Variants in CDH6 observed in about 807,000 individuals in gnomAD.
CDH6 encodes the protein cadherin-6.
In CDH6, 31 loss-of-function variants were observed where a neutral mutation model predicts 78.0. The observed-to-expected ratio is 0.40, with a 90% CI of 0.30 to 0.54. CDH6 has a LOEUF of 0.54. Ranked by LOEUF, CDH6 falls within the 20% of genes least tolerant of loss-of-function variation. The probability of loss-of-function intolerance (pLI) is 0.56; values close to 1 mark genes in which losing one functional copy is unlikely to be tolerated. For missense variants in CDH6, 724 were observed against 975.9 expected (o/e 0.74, Z 3.44); for synonymous variants, 376 against 368.8 (o/e 1.02, Z -0.23).
At chr5:31,320,994 A>C (rs1427107128) in intron 11 of CDH6, among the ~76,000 whole-genome samples, 1 of 151,688 alleles carries the variant, frequency 6.6e-6, no homozygotes, top group East Asian at 1.9e-4. Flanking sequence ...AAAAAAAAAA[A>C]AACTGTGCTG....
At chr5:31,226,653 C>T (rs777547122) in intron 1 of CDH6, among the ~76,000 whole-genome samples, 2 of 152,068 alleles carry the variant, frequency 1.3e-5, no homozygotes, top group Non-Finnish European at 2.9e-5. Context: ...CCCTTTTTGC[C>T]TCCTCTCCCA....
intron 1 of CDH6, among the ~76,000 whole-genome samples, chr5:31,252,937 G>A (rs1267892946): frequency 6.6e-6 from 1 of 152,154 alleles, no homozygotes; most frequent in African/African-American, 2.4e-5. Context: ...GTAGCAATGT[G>A]CTAAGTGTTT....
rs1738591719 is a variant in CDH6, at chr5:31,324,999, T to A, written c.*1691T>A. ...TTATTTTCAATTAATATTAATTTTCTACAAATAATTTTAGTGTCATTTCCA... is the reference window on the plus strand; with the variant it reads ...TTATTTTCAATTAATATTAATTTTCAACAAATAATTTTAGTGTCATTTCCA... On this transcript the variant is annotated 3_prime_UTR_variant, in exon 12 of 12. Transcript: ENST00000265071. 4.8e-6 allele frequency: 1 copy of A among 207,076 alleles called. No individual in the cohort carries two copies. The highest frequency in any genetic ancestry group is 9.8e-6 in the Non-Finnish European group (1 of 101,530). 12.8% of individuals were successfully genotyped at this position (207,076 alleles called of 1,614,324 possible).
chr5:31,255,041 ATAAT>A (rs1395769042), intron 1 of CDH6, among the ~76,000 whole-genome samples: 1 of 152,254 alleles, frequency 6.6e-6, no homozygotes, highest in African/African-American at 2.4e-5. Flanking sequence ...GTAGTTTTAA[ATAAT>A]TAAAGGGCCA....
chr5:31,297,335 A>T lies in CDH6; in HGVS notation c.570A>T (p.Thr190=). Reference sequence around the variant, plus strand: ...CTGCGACGGATGCAGATGATCCAACATATGGGAACAGTGCTAAAGTTGTCT... The same window carrying T: ...CTGCGACGGATGCAGATGATCCAACTTATGGGAACAGTGCTAAAGTTGTCT... The part of the protein sequence containing the change: ...QVTATDADDP[T]YGNSAKVVYS... The change falls in exon 4 of 12, where the codon ACA becomes ACT. Residue 190 remains threonine, a synonymous_variant. Transcript: ENST00000265071. 6.2e-7 allele frequency: 1 copy of T among 1,610,084 alleles called. No individual in the cohort carries two copies.
At chr5:31,255,787 AC>A (rs1742038461) in intron 1 of CDH6, among the ~76,000 whole-genome samples, 1 of 152,254 alleles carries the variant, frequency 6.6e-6, no homozygotes, top group Admixed American at 6.5e-5. Flanking sequence ...AAGTTATTAT[AC>A]CAAGATATTA....
At position 31,299,646 on chromosome 5, in the gene CDH6, T is replaced by C. The variant is rs755530248; in HGVS notation, c.811+15T>C. ...ATTCCCCCAGAGTAGGAACATTTGATTGAATGAATTTCTTCAATGTGCTTT... is the reference window on the plus strand; with the variant it reads ...ATTCCCCCAGAGTAGGAACATTTGACTGAATGAATTTCTTCAATGTGCTTT... On this transcript the variant is annotated intron_variant, in intron 5 of 11. Coordinates refer to ENST00000265071, the MANE Select transcript of CDH6 (RefSeq NM_004932.4). The C allele has an allele frequency of 3.1e-6, 5 of 1,591,288 alleles. No individual in the cohort carries two copies. The highest frequency in any genetic ancestry group is 2.2e-5 in the South Asian group (2 of 90,338).
chr5:31,197,739 T>G (rs1212597520), intron 1 of CDH6, among the ~76,000 whole-genome samples: 1 of 152,206 alleles, frequency 6.6e-6, no homozygotes, highest in African/African-American at 2.4e-5. Flanking sequence ...GGGCTGATTT[T>G]CTTTTCTTCT....
At chr5:31,268,510 C>A (rs1229045027) in intron 2 of CDH6, among the ~76,000 whole-genome samples, 1 of 152,162 alleles carries the variant, frequency 6.6e-6, no homozygotes, top group African/African-American at 2.4e-5. Context: ...ATCCTTGTTG[C>A]AGAATATCTG....
At chr5:31,239,007 C>T (rs1023032983) in intron 1 of CDH6, among the ~76,000 whole-genome samples, 3 of 152,188 alleles carry the variant, frequency 2.0e-5, no homozygotes, top group Admixed American at 6.5e-5. Flanking sequence ...AACAACCATG[C>T]CAGTTCATCC....
chr5:31,203,064 G>A (rs1387987840), intron 1 of CDH6, among the ~76,000 whole-genome samples: 3 of 151,668 alleles, frequency 2.0e-5, no homozygotes, highest in Non-Finnish European at 4.4e-5. Context: ...AATTATTCTT[G>A]TATTAAGCTA....
intron 1 of CDH6, among the ~76,000 whole-genome samples, chr5:31,213,186 A>G (rs1740765022): frequency 6.6e-6 from 1 of 152,224 alleles, no homozygotes. Flanking sequence ...TGTTATCTGT[A>G]GATAATAGGA....
intron 1 of CDH6, chr5:31,251,073 T>C (rs1741895030): frequency 1.3e-5 from 2 of 152,258 alleles, no homozygotes; most frequent in African/African-American, 4.8e-5. Flanking sequence ...GCCACTTTCC[T>C]GGACACAGAA....
intron 1 of CDH6, chr5:31,250,211 C>T (rs1416642038): frequency 6.6e-6 from 1 of 152,214 alleles, no homozygotes; most frequent in African/African-American, 2.4e-5. Flanking sequence ...CTTGTGAATT[C>T]CCTGGCAGAA....
At chr5:31,301,173 A>T (rs895237932) in intron 5 of CDH6, among the ~76,000 whole-genome samples, 2 of 152,136 alleles carry the variant, frequency 1.3e-5, no homozygotes, top group Non-Finnish European at 2.9e-5. Flanking sequence ...AAGTTTAAAA[A>T]TTTTTTTAAC....
intron 1 of CDH6, among the ~76,000 whole-genome samples, chr5:31,212,514 C>A (rs1210910444): frequency 6.6e-6 from 1 of 152,182 alleles, no homozygotes; most frequent in Non-Finnish European, 1.5e-5. Flanking sequence ...AGAGCCTCTT[C>A]AGCACCATTC....
chr5:31,269,353 A>G (rs1006794046), intron 2 of CDH6, among the ~76,000 whole-genome samples: 1 of 152,078 alleles, frequency 6.6e-6, no homozygotes, highest in African/African-American at 2.4e-5. Context: ...CAGTTTTACA[A>G]TTATAATTGT....
intron 1 of CDH6, chr5:31,251,513 G>A (rs1741908202): frequency 6.6e-6 from 1 of 152,192 alleles, no homozygotes; most frequent in South Asian, 2.1e-4. Context: ...CTAGAATATA[G>A]AGGGATGCTG....
intron 2 of CDH6, among the ~76,000 whole-genome samples, chr5:31,269,441 C>G (rs1199990361): frequency 1.3e-5 from 2 of 152,042 alleles, no homozygotes; most frequent in Non-Finnish European, 2.9e-5. Context: ...CTGCCAGTTG[C>G]CAATTATGTG....
Sources: allele counts gnomAD v4.1 joint callset (sites outside exome capture counted in the v4.1 genomes callset), GRCh38; gene constraint gnomAD v4.1.1; transcripts MANE v1.5; gene names NCBI Gene and HGNC (gene_info 2026-07-23, HGNC 2026-07-21).